The following GGH variants were observed in gnomAD, a reference collection of about 807,000 sequenced individuals.
GGH encodes the protein gamma-Glu-X carboxypeptidase.
Under a neutral mutation model 39.2 loss-of-function variants are expected in GGH, and 18 were observed. That is an observed-to-expected ratio of 0.46 (90% CI 0.32 to 0.68). GGH has a LOEUF of 0.68. Among genes scored for constraint, GGH ranks in the 30% least tolerant of loss-of-function variants. GGH has a pLI of 0.04. For synonymous variants in GGH, 147 were observed against 138.8 expected, an observed-to-expected ratio of 1.06 and a Z score of -0.42; for missense variants, 367 against 384.1, an observed-to-expected ratio of 0.96 and a Z score of 0.37.
intron 7 of GGH, among the ~76,000 whole-genome samples, chr8:63,019,126 C>T (rs114210370): frequency 0.023 from 3,565 of 152,212 alleles, 139 homozygotes; most frequent in African/African-American, 0.081. Flanking sequence ...GGGATAATGT[C>T]CCAAAGAAAT....
At chr8:63,018,293 A>T (rs894172886) in intron 7 of GGH, among the ~76,000 whole-genome samples, 7 of 152,164 alleles carry the variant, frequency 4.6e-5, no homozygotes, top group African/African-American at 1.7e-4. Context: ...AAAAAAGTGA[A>T]TATGTGTAAT....
At position 63,015,290 on chromosome 8, in the gene GGH, A is replaced by G. The variant is rs1466832308; in HGVS notation, c.*42T>C. 3 of 1,055,566 alleles carry G rather than the reference A, an allele frequency of 2.8e-6. No individual in the cohort carries two copies. The highest frequency in any genetic ancestry group is 4.2e-6 in the Non-Finnish European group (3 of 709,798). 65.4% of individuals were successfully genotyped at this position (1,055,566 alleles called of 1,614,324 possible). On this transcript the variant is annotated 3_prime_UTR_variant, in exon 9 of 9. Transcript: ENST00000260118. ...AGCAAGTTATTCTAACAGTTTAATC[A>G]TGGAATTATTCAAATTTGCTCTGTT... is the stretch of plus-strand genomic sequence containing the variant.
intron 3 of GGH, among the ~76,000 whole-genome samples, chr8:63,028,672 A>T (rs1452638681): frequency 6.6e-6 from 1 of 152,188 alleles, no homozygotes; most frequent in African/African-American, 2.4e-5. Context: ...TGAGAGAGAA[A>T]AGGGGCCTAC....
chr8:63,015,849 A>G (rs1042052434), intron 8 of GGH, among the ~76,000 whole-genome samples: 1 of 140,104 alleles, frequency 7.1e-6, no homozygotes, highest in African/African-American at 2.6e-5. Flanking sequence ...ACAAGACTTG[A>G]TAACACAGCC....
At chr8:63,015,932 T>C (rs1323429489) in intron 8 of GGH, among the ~76,000 whole-genome samples, 1 of 152,170 alleles carries the variant, frequency 6.6e-6, no homozygotes, top group Non-Finnish European at 1.5e-5. Context: ...CAGAATCATA[T>C]GATAAAAATG....
intron 2 of GGH, among the ~76,000 whole-genome samples, chr8:63,032,490 G>A (rs748643476): frequency 1.2e-4 from 18 of 152,126 alleles, no homozygotes; most frequent in Non-Finnish European, 1.8e-4. Context: ...AGCACCAAGC[G>A]CCTGAGACAG....
chr8:63,034,476 T>C (rs1804864238), intron 2 of GGH, among the ~76,000 whole-genome samples: 1 of 152,110 alleles, frequency 6.6e-6, no homozygotes, highest in Non-Finnish European at 1.5e-5. Flanking sequence ...ACAGAATAAA[T>C]AGTGTTTTAT....
intron 7 of GGH, among the ~76,000 whole-genome samples, chr8:63,021,665 T>A (rs569569101): frequency 7.0e-6 from 1 of 143,056 alleles, no homozygotes; most frequent in African/African-American, 2.6e-5. Flanking sequence ...TCAAATCTCA[T>A]ATCCTTTTTT....
At chr8:63,018,531 A>G (rs1804528079) in intron 7 of GGH, among the ~76,000 whole-genome samples, 1 of 152,234 alleles carries the variant, frequency 6.6e-6, no homozygotes. Context: ...ACTAGAGAGC[A>G]GGCCACAGAA....
At chr8:63,025,710 GAC>G (rs911751356) in intron 5 of GGH, among the ~76,000 whole-genome samples, 1 of 151,724 alleles carries the variant, frequency 6.6e-6, no homozygotes, top group Non-Finnish European at 1.5e-5. Flanking sequence ...CAGACTGAGT[GAC>G]AGAGAGAGAC....
chr8:63,016,657 G>A (rs1490440956), intron 8 of GGH, among the ~76,000 whole-genome samples: 1 of 152,168 alleles, frequency 6.6e-6, no homozygotes, highest in African/African-American at 2.4e-5. Flanking sequence ...ATGTTATAAT[G>A]AAACGACTTC....
chr8:63,019,759 T>C (rs1316641720), intron 7 of GGH, among the ~76,000 whole-genome samples: 1 of 152,232 alleles, frequency 6.6e-6, no homozygotes, highest in Non-Finnish European at 1.5e-5. Context: ...AGCATGACAA[T>C]GTTCCTCCTC....
chr8:63,016,173 CAGAA>C (rs1285677100), intron 8 of GGH, among the ~76,000 whole-genome samples: 1 of 152,130 alleles, frequency 6.6e-6, no homozygotes, highest in Non-Finnish European at 1.5e-5. Context: ...ACGGCATTTT[CAGAA>C]AGAATGTTGG....
At chr8:63,021,870 C>T (rs577843791) in intron 7 of GGH, among the ~76,000 whole-genome samples, 8 of 151,920 alleles carry the variant, frequency 5.3e-5, no homozygotes, top group African/African-American at 9.6e-5. Context: ...GACGGGGTTT[C>T]GCCATGTTGG....
chr8:63,018,733 A>C (rs1804531855), intron 7 of GGH, among the ~76,000 whole-genome samples: 1 of 152,198 alleles, frequency 6.6e-6, no homozygotes, highest in African/African-American at 2.4e-5. Context: ...TGTTACATAG[A>C]GTTAATTGAA....
intron 7 of GGH, among the ~76,000 whole-genome samples, chr8:63,021,692 T>TTTTTTTGG (rs1804588891): frequency 7.5e-6 from 1 of 132,472 alleles, no homozygotes; most frequent in Admixed American, 7.5e-5. Flanking sequence ...TTTTTTTTTT[T>TTTTTTTGG]GAGGCAGAGT....
intron 1 of GGH, among the ~76,000 whole-genome samples, chr8:63,037,443 C>T (rs371256061): frequency 2.8e-4 from 43 of 152,216 alleles, no homozygotes; most frequent in African/African-American, 8.9e-4. Flanking sequence ...TCACTTTTCC[C>T]ATCCCTGGGA....
In GGH at chr8:63,023,858, TA is replaced by T. The variant is rs1488668755; in HGVS notation, c.697+48del. ...TGATGAGACATATAAAATCAAAATT[TA>T]AAAATATAAAATAAGTGAAATAAAG... is the stretch of plus-strand genomic sequence containing the variant. On this transcript the variant is annotated intron_variant, in intron 7 of 8. Transcript: ENST00000260118. The T allele has an allele frequency of 2.4e-6, 3 of 1,259,490 alleles. No individual in the cohort carries two copies. The African/African-American group carries it at 4.7e-5, about 20-fold the overall frequency. The allele number at this position is 1,259,490 out of a possible 1,614,324, so 78.0% of individuals were successfully genotyped here.
intron 5 of GGH, 109 bp from the exon 6 acceptor site, chr8:63,024,295 G>T: frequency 1.6e-6 from 1 of 631,716 alleles, no homozygotes; most frequent in East Asian, 2.8e-5. Flanking sequence ...TAATCAAGAT[G>T]ACCAAATGAT....
Sources: gnomAD v4.1 joint callset for allele counts (sites outside exome capture counted in the v4.1 genomes callset) on GRCh38, gnomAD v4.1.1 for gene constraint, MANE v1.5 for transcripts, NCBI Gene and HGNC (gene_info 2026-07-23, HGNC 2026-07-21) for gene names.